GLRA3: variants seen among roughly 807,000 people sequenced by gnomAD.
The protein encoded by GLRA3 is glycine receptor alpha 3.
Under a neutral mutation model 60.4 loss-of-function variants are expected in GLRA3, and 44 were observed. The observed-to-expected ratio is 0.73, with a 90% CI of 0.57 to 0.94. The LOEUF is 0.94. Ranked by LOEUF, GLRA3 falls within the 40% of genes least tolerant of loss-of-function variation. GLRA3 has a pLI of 0.00. For synonymous variants in GLRA3, 223 were observed against 192.9 expected (o/e 1.16, Z -1.29); for missense variants, 508 against 564.6 (o/e 0.90, Z 1.02).
intron 1 of GLRA3, among the ~76,000 whole-genome samples, chr4:174,817,188 CA>C (rs1560817351): frequency 1.3e-5 from 2 of 152,144 alleles, no homozygotes; most frequent in Non-Finnish European, 2.9e-5. Flanking sequence ...AGGAAAACTG[CA>C]AAATCTTTAA....
At chr4:174,712,055 G>A (rs1735737940) in intron 5 of GLRA3, among the ~76,000 whole-genome samples, 1 of 150,576 alleles carries the variant, frequency 6.6e-6, no homozygotes, top group South Asian at 2.1e-4. Context: ...AATTTCTAAT[G>A]CAAGTCTTCT....
chr4:174,808,556 G>C (rs6851555), intron 1 of GLRA3, among the ~76,000 whole-genome samples: 28,796 of 152,000 alleles, frequency 0.19, 3,211 homozygotes, highest in African/African-American at 0.31. Flanking sequence ...GACTGCATGC[G>C]TTCTAGTTAG....
chr4:174,642,125 T>C lies in GLRA3; in HGVS notation c.*1661A>G, dbSNP rs1732639553. 1.1e-6 allele frequency: 1 copy of C among 893,754 alleles called. No homozygotes were observed. The highest frequency in any genetic ancestry group is 1.3e-6 in the Non-Finnish European group (1 of 746,288). The allele number at this position is 893,754 out of a possible 1,614,324, so 55.4% of individuals were successfully genotyped here. ...TATAAAGGAGGGGAACTTGGTCTTTTACTAGCAAAAACTGCTTAACATTTA... is the reference window on the plus strand; with the variant it reads ...TATAAAGGAGGGGAACTTGGTCTTTCACTAGCAAAAACTGCTTAACATTTA... On this transcript the variant is annotated 3_prime_UTR_variant, in exon 10 of 10. Transcript: ENST00000274093.
chr4:174,699,560 C>T (rs1735212574), intron 5 of GLRA3, among the ~76,000 whole-genome samples: 1 of 151,948 alleles, frequency 6.6e-6, no homozygotes, highest in African/African-American at 2.4e-5. Flanking sequence ...GCACTAATTC[C>T]TAATATATTG....
intron 1 of GLRA3, among the ~76,000 whole-genome samples, chr4:174,791,040 T>C (rs975277835): frequency 5.3e-5 from 8 of 151,180 alleles, no homozygotes; most frequent in East Asian, 3.9e-4. Flanking sequence ...CTATGTATAC[T>C]GAACCACAAT....
chr4:174,814,691 A>G (rs758310409), intron 1 of GLRA3, among the ~76,000 whole-genome samples: 1 of 152,140 alleles, frequency 6.6e-6, no homozygotes, highest in Non-Finnish European at 1.5e-5. Flanking sequence ...GTGCAGGGAA[A>G]TTCCCCTTTT....
intron 5 of GLRA3, among the ~76,000 whole-genome samples, chr4:174,709,580 C>T (rs1238497170): frequency 2.0e-5 from 3 of 152,026 alleles, no homozygotes; most frequent in Non-Finnish European, 2.9e-5. Flanking sequence ...TAGTATTTAT[C>T]CCAGAATGAA....
intron 3 of GLRA3, among the ~76,000 whole-genome samples, chr4:174,740,531 C>G (rs140768219): frequency 6.9e-4 from 105 of 152,308 alleles, no homozygotes; most frequent in Non-Finnish European, 1.3e-3. Flanking sequence ...AAAAGTTACC[C>G]AGCAAATCCC....
intron 5 of GLRA3, among the ~76,000 whole-genome samples, chr4:174,696,323 G>A (rs1257593347): frequency 6.6e-6 from 1 of 151,408 alleles, no homozygotes. Context: ...ATAATATTTT[G>A]TAATATTGGC....
chr4:174,691,353 G>A (rs1734788293), intron 5 of GLRA3, among the ~76,000 whole-genome samples: 1 of 152,044 alleles, frequency 6.6e-6, no homozygotes, highest in South Asian at 2.1e-4. Flanking sequence ...CTTTTGAAAA[G>A]TGTCTGTTTG....
intron 1 of GLRA3, among the ~76,000 whole-genome samples, chr4:174,801,426 G>C (rs1739809146): frequency 6.6e-6 from 1 of 151,992 alleles, no homozygotes; most frequent in Non-Finnish European, 1.5e-5. Flanking sequence ...CTGCCTACTT[G>C]TCATCTCCAC....
At chr4:174,684,572 C>T (rs900130347) in intron 5 of GLRA3, among the ~76,000 whole-genome samples, 1 of 152,216 alleles carries the variant, frequency 6.6e-6, no homozygotes, top group Non-Finnish European at 1.5e-5. Context: ...TTAAAGACTA[C>T]TGCACAAAAT....
intron 1 of GLRA3, among the ~76,000 whole-genome samples, chr4:174,797,556 CTT>C (rs1739620245): frequency 6.6e-6 from 1 of 152,022 alleles, no homozygotes; most frequent in Non-Finnish European, 1.5e-5. Context: ...AGTTCAGAAA[CTT>C]TAATTTCATA....
At chr4:174,700,737 A>AAAAC (rs879585213) in intron 5 of GLRA3, among the ~76,000 whole-genome samples, 21 of 152,336 alleles carry the variant, frequency 1.4e-4, no homozygotes, top group Non-Finnish European at 2.2e-4. Flanking sequence ...ATAAGAAAGC[A>AAAAC]AAACAACCTT....
At position 174,828,789 on chromosome 4, in the gene GLRA3, C is replaced by A. The variant is rs776340051; in HGVS notation, c.23G>T (p.Arg8Leu). The A allele has an allele frequency of 1.2e-6, 2 of 1,611,586 alleles. No homozygotes were observed. The highest frequency in any genetic ancestry group is 4.5e-5 in the East Asian group (2 of 44,864). Residue 8 changes from arginine to leucine, a missense_variant, in exon 1 of 10, where the codon CGG becomes CTG. By Grantham distance (102) the Arg-to-Leu change is moderately radical (BLOSUM62 -2). This residue lies in a region of GLRA3 where 329 missense variants were observed against 349.3 expected (regional missense o/e 0.94). Coordinates refer to ENST00000274093, the MANE Select transcript of GLRA3 (RefSeq NM_006529.4). MAHVRHFRTLVSGFYFWE... is the reference protein window; with the variant it reads MAHVRHFLTLVSGFYFWE... ...GAAGTAAAATCCCGAAACTAATGTC[C>A]GAAAGTGTCTCACGTGGGCCATGAT...
chr4:174,680,389 A>G (rs1034732012), intron 6 of GLRA3, among the ~76,000 whole-genome samples: 2 of 152,240 alleles, frequency 1.3e-5, no homozygotes, highest in South Asian at 4.1e-4. Flanking sequence ...CATGCAAAAA[A>G]TAAGTAAACA....
chr4:174,815,419 C>G (rs1335915213), intron 1 of GLRA3, among the ~76,000 whole-genome samples: 1 of 152,222 alleles, frequency 6.6e-6, no homozygotes, highest in Non-Finnish European at 1.5e-5. Context: ...TAGGTGATGT[C>G]TCAGTAGGGA....
intron 3 of GLRA3, among the ~76,000 whole-genome samples, chr4:174,742,010 G>T (rs55890348): frequency 0.18 from 27,724 of 152,014 alleles, 2,975 homozygotes; most frequent in Admixed American, 0.25. Context: ...GCATTAGCTA[G>T]AAATTCCCTA....
chr4:174,790,126 A>G (rs900588965), intron 1 of GLRA3, among the ~76,000 whole-genome samples: 7 of 152,178 alleles, frequency 4.6e-5, no homozygotes, highest in Non-Finnish European at 8.8e-5. Flanking sequence ...CAGAATCACA[A>G]ATAACACTAT....
Sources: gnomAD v4.1 joint callset for allele counts (sites outside exome capture counted in the v4.1 genomes callset) on GRCh38, gnomAD v4.1.1 for gene constraint, gnomAD v4.1.1 regional missense constraint, MANE v1.5 for transcripts, NCBI Gene and HGNC (gene_info 2026-07-23, HGNC 2026-07-21) for gene names.